Variants in DNAH6 observed in about 807,000 individuals in gnomAD.
The protein encoded by DNAH6 is axonemal beta dynein heavy chain 6.
Under a neutral mutation model 491.4 loss-of-function variants are expected in DNAH6, and 340 were observed. That is an observed-to-expected ratio of 0.69 (90% confidence interval 0.63 to 0.76). DNAH6 has a LOEUF of 0.76. Ranked by LOEUF, DNAH6 falls within the 30% of genes least tolerant of loss-of-function variation. DNAH6 has a pLI of 0.00. For missense variants in DNAH6, 4,443 were observed against 4,972.2 expected, an observed-to-expected ratio of 0.89 and a Z score of 3.20; for synonymous variants, 1,603 against 1,686.1, an observed-to-expected ratio of 0.95 and a Z score of 1.21.
upstream of DNAH6, among the ~76,000 whole-genome samples, chr2:84,514,867 T>TCTCA (rs71390175): frequency 3.6e-5 from 5 of 139,006 alleles, no homozygotes; most frequent in African/African-American, 1.4e-4. Context: ...TTCACCACAG[T>TCTCA]CACACACACA....
intron 15 of DNAH6, among the ~76,000 whole-genome samples, chr2:84,586,589 A>G (rs1157841826): frequency 1.3e-5 from 2 of 152,218 alleles, no homozygotes; most frequent in East Asian, 3.8e-4. Context: ...GGGATTATCT[A>G]CCATGTGGGG....
intron 4 of DNAH6, among the ~76,000 whole-genome samples, chr2:84,542,999 A>G (rs935534345): frequency 2.6e-5 from 4 of 152,084 alleles, no homozygotes; most frequent in African/African-American, 9.7e-5. Context: ...TCTCTACTAA[A>G]AATAGAAAAA....
the DNAH6 span, among the ~76,000 whole-genome samples, chr2:84,494,506 TATC>T: frequency 6.6e-6 from 1 of 152,016 alleles, no homozygotes; most frequent in African/African-American, 2.4e-5. Flanking sequence ...TCTGCAAAAA[TATC>T]ATACACGGAC....
At chr2:84,715,484 G>A in intron 57 of DNAH6, 76 bp from the exon 58 acceptor site, 1 of 1,379,500 alleles carries the variant, frequency 7.2e-7, no homozygotes, top group Non-Finnish European at 1.0e-6. Context: ...GTAGTAATGA[G>A]CTGTGTTCTA....
chr2:84,664,488 C>A (rs1304427697), intron 37 of DNAH6, among the ~76,000 whole-genome samples: 2 of 151,936 alleles, frequency 1.3e-5, no homozygotes, highest in Non-Finnish European at 2.9e-5. Flanking sequence ...CAACAAAGAT[C>A]AAAAGAGACA....
intron 2 of DNAH6, among the ~76,000 whole-genome samples, chr2:84,522,715 G>C (rs1407614858): frequency 6.6e-6 from 1 of 152,116 alleles, no homozygotes; most frequent in Non-Finnish European, 1.5e-5. Context: ...TGGATCTGGT[G>C]AGATAATCAT....
intron 15 of DNAH6, among the ~76,000 whole-genome samples, chr2:84,586,215 G>A (rs1683535895): frequency 6.6e-6 from 1 of 152,208 alleles, no homozygotes; most frequent in African/African-American, 2.4e-5. Context: ...TGCAGCAACA[G>A]TTTGGGTGGC....
chr2:84,640,404 G>A, intron 31 of DNAH6, 26 bp from the exon 32 acceptor site: 1 of 1,335,962 alleles, frequency 7.5e-7, no homozygotes, highest in South Asian at 1.3e-5. Context: ...AATATAATAA[G>A]CATTGCATTA....
Position 84,707,730 on chromosome 2 carries a change from C to A in DNAH6, c.9048+14C>A, listed in dbSNP as rs755176018. 9.0e-6 allele frequency: 14 copies of A among 1,547,422 alleles called. No homozygotes were observed. In the South Asian group the frequency reaches 1.7e-4, roughly 19 times the overall value. ...TACAGGCAGTCAGTGAGTAACCCTG[C>A]TTTCTGTAAGGAGGGGTAAGAAGCA... is the stretch of plus-strand genomic sequence containing the variant. On this transcript the variant is annotated intron_variant, in intron 54 of 76. Transcript: ENST00000389394.
chr2:84,598,718 A>G (rs1243584165), intron 18 of DNAH6, among the ~76,000 whole-genome samples: 1 of 152,102 alleles, frequency 6.6e-6, no homozygotes, highest in Non-Finnish European at 1.5e-5. Flanking sequence ...ATTCTAACCA[A>G]TGGATAGTAG....
intron 37 of DNAH6, among the ~76,000 whole-genome samples, chr2:84,666,674 C>G (rs1692159632): frequency 6.6e-6 from 1 of 152,122 alleles, no homozygotes; most frequent in Admixed American, 6.5e-5. Flanking sequence ...CCATACTGCC[C>G]AAGGTAATTT....
At chr2:84,693,570 C>T (rs1021063119) in intron 45 of DNAH6, among the ~76,000 whole-genome samples, 3 of 151,742 alleles carry the variant, frequency 2.0e-5, no homozygotes, top group African/African-American at 7.3e-5. Flanking sequence ...GGTGAAACCC[C>T]GTCTCTACTA....
At chr2:84,805,457 A>G (rs1163894653) in intron 70 of DNAH6, among the ~76,000 whole-genome samples, 3 of 152,236 alleles carry the variant, frequency 2.0e-5, no homozygotes, top group African/African-American at 4.8e-5. Flanking sequence ...TTTGTGCAAC[A>G]TTGTACCTAT....
At chr2:84,472,477 C>T in the DNAH6 span, among the ~76,000 whole-genome samples, 3 of 152,030 alleles carry the variant, frequency 2.0e-5, no homozygotes, top group East Asian at 5.8e-4. Flanking sequence ...GAATAGGTAT[C>T]TACTGAAACA....
At position 84,540,099 on chromosome 2, in the gene DNAH6, T is replaced by G. The variant is rs564010036; in HGVS notation, c.663-4134T>G. 9.2e-5 allele frequency among the ~76,000 whole-genome samples: 14 copies of G among 152,304 alleles called. No homozygotes were observed. The South Asian group carries it at 2.9e-3, about 32-fold the overall frequency. On this transcript the variant is annotated intron_variant, in intron 4 of 76. Transcript: ENST00000389394. ...TAGAGTTGTATAGGGCCACAAGAGC[T>G]TATCTAATTCAGCCTTAAAGCAGGT... is the stretch of plus-strand genomic sequence containing the variant.
intron 18 of DNAH6, among the ~76,000 whole-genome samples, chr2:84,600,282 G>A (rs1476191771): frequency 6.6e-6 from 1 of 152,046 alleles, no homozygotes; most frequent in African/African-American, 2.4e-5. Context: ...ATAATACCAA[G>A]GGTTCCCATA....
chr2:84,523,988 T>C (rs1676374456), intron 2 of DNAH6, among the ~76,000 whole-genome samples: 1 of 152,072 alleles, frequency 6.6e-6, no homozygotes, highest in Non-Finnish European at 1.5e-5. Flanking sequence ...TGAGTTCAGG[T>C]CCTTAATATC....
intron 22 of DNAH6, among the ~76,000 whole-genome samples, chr2:84,613,034 A>G (rs1373466341): frequency 2.0e-5 from 3 of 152,124 alleles, no homozygotes; most frequent in Non-Finnish European, 4.4e-5. Context: ...TCAAAAATAC[A>G]TCTGCTCCTA....
intron 62 of DNAH6, among the ~76,000 whole-genome samples, chr2:84,741,525 G>T (rs1179904337): frequency 6.6e-6 from 1 of 152,156 alleles, no homozygotes; most frequent in Non-Finnish European, 1.5e-5. Context: ...AGGGCACCTT[G>T]GGCCTGGGGC....
Sources: allele counts gnomAD v4.1 joint callset (sites outside exome capture counted in the v4.1 genomes callset), GRCh38; gene constraint gnomAD v4.1.1; transcripts MANE v1.5; gene names NCBI Gene and HGNC (gene_info 2026-07-23, HGNC 2026-07-21).